EDIL3: variants seen among roughly 807,000 people sequenced by gnomAD.
EDIL3 encodes the protein EGF like and discoidin domains 3.
A neutral mutation model predicts 67.4 loss-of-function variants in EDIL3; 37 were observed. The observed-to-expected ratio is 0.55, with a 90% confidence interval of 0.42 to 0.72. The LOEUF is 0.72. EDIL3 is among the 30% of genes least tolerant of loss of function. The pLI, the probability that EDIL3 is intolerant of heterozygous loss-of-function variation, is 0.00. For missense variants in EDIL3, 527 were observed against 586.3 expected (o/e 0.90, Z 1.04); for synonymous variants, 195 against 196.3 (o/e 0.99, Z 0.05).
At chr5:83,968,141 C>G (rs916237460) in intron 9 of EDIL3, among the ~76,000 whole-genome samples, 1 of 152,016 alleles carries the variant, frequency 6.6e-6, no homozygotes, top group African/African-American at 2.4e-5. Context: ...ATTAATGGTA[C>G]TTGGTATTTG....
intron 4 of EDIL3, among the ~76,000 whole-genome samples, chr5:84,148,276 G>A (rs1353793655): frequency 2.0e-5 from 3 of 152,066 alleles, no homozygotes; most frequent in Non-Finnish European, 4.4e-5. Context: ...CTACATTTGG[G>A]TTTATCATCA....
intron 2 of EDIL3, among the ~76,000 whole-genome samples, chr5:84,243,584 A>G (rs896303613): frequency 4.6e-5 from 7 of 152,226 alleles, no homozygotes; most frequent in African/African-American, 1.7e-4. Flanking sequence ...ACCTTAGCAG[A>G]TAAAGACATT....
At chr5:84,207,056 CAGG>C (rs1243755814) in intron 3 of EDIL3, among the ~76,000 whole-genome samples, 1 of 152,058 alleles carries the variant, frequency 6.6e-6, no homozygotes, top group Non-Finnish European at 1.5e-5. Flanking sequence ...GGCAATTAGG[CAGG>C]AGAAGGAAAT....
intron 9 of EDIL3, among the ~76,000 whole-genome samples, chr5:83,999,573 G>A (rs1434246691): frequency 6.6e-6 from 1 of 151,962 alleles, no homozygotes; most frequent in Admixed American, 6.6e-5. Context: ...TTGAAGACAG[G>A]CTTTATGAAG....
intron 9 of EDIL3, among the ~76,000 whole-genome samples, chr5:84,010,875 T>C (rs1036455107): frequency 1.3e-5 from 2 of 152,126 alleles, no homozygotes; most frequent in African/African-American, 4.8e-5. Context: ...TGAAGAGTGC[T>C]TCTGGAAAAC....
intron 9 of EDIL3, among the ~76,000 whole-genome samples, chr5:83,992,930 T>C (rs1745175722): frequency 6.6e-6 from 1 of 152,014 alleles, no homozygotes; most frequent in African/African-American, 2.4e-5. Context: ...ATAAGTAATA[T>C]GAAGCTACAA....
At chr5:83,999,815 G>T (rs4266382) in intron 9 of EDIL3, among the ~76,000 whole-genome samples, 18,528 of 151,800 alleles carry the variant, frequency 0.12, 2,815 homozygotes, top group African/African-American at 0.36. Context: ...CAAACAGATT[G>T]AAACCAAAGA....
chr5:84,048,552 A>C (rs77852370), intron 9 of EDIL3, among the ~76,000 whole-genome samples: 48 of 152,172 alleles, frequency 3.2e-4, no homozygotes, highest in African/African-American at 1.2e-3. Context: ...AATACTATGC[A>C]GACTACCTTA....
chr5:84,291,854 C>G (rs1444718131), intron 1 of EDIL3, among the ~76,000 whole-genome samples: 1 of 149,430 alleles, frequency 6.7e-6, no homozygotes, highest in East Asian at 2.0e-4. Flanking sequence ...TACCTACAGG[C>G]CCTGGATATA....
chr5:84,122,147 C>G (rs1220150392), intron 5 of EDIL3, among the ~76,000 whole-genome samples: 1 of 151,950 alleles, frequency 6.6e-6, no homozygotes, highest in Non-Finnish European at 1.5e-5. Flanking sequence ...CAATATCTTT[C>G]TCTTCTGCAA....
At chr5:83,947,003 T>G (rs1049289301) in intron 10 of EDIL3, among the ~76,000 whole-genome samples, 5 of 151,864 alleles carry the variant, frequency 3.3e-5, no homozygotes, top group African/African-American at 1.2e-4. Flanking sequence ...TTAGATAGAT[T>G]CCCTATGGCT....
chr5:84,176,498 A>C (rs1748918395), intron 4 of EDIL3, among the ~76,000 whole-genome samples: 1 of 151,250 alleles, frequency 6.6e-6, no homozygotes, highest in Non-Finnish European at 1.5e-5. Flanking sequence ...GTGCACAGGT[A>C]GAGAAGAATG....
chr5:84,310,870 C>T (rs964265043), intron 1 of EDIL3, among the ~76,000 whole-genome samples: 4 of 152,146 alleles, frequency 2.6e-5, no homozygotes, highest in African/African-American at 4.8e-5. Context: ...CTCTCCTGTG[C>T]GCTTACCCAG....
chr5:84,077,547 A>G (rs1296477946), intron 6 of EDIL3, among the ~76,000 whole-genome samples: 3 of 152,200 alleles, frequency 2.0e-5, no homozygotes, highest in African/African-American at 7.2e-5. Context: ...AAGAGAATGT[A>G]TGCAGGGATC....
intron 1 of EDIL3, among the ~76,000 whole-genome samples, chr5:84,364,757 G>A (rs1370175930): frequency 6.6e-6 from 1 of 151,884 alleles, no homozygotes; most frequent in East Asian, 1.9e-4. Context: ...ATGGAATCCT[G>A]CAACAGGTTA....
At chr5:84,061,012 C>A (rs1746533093) in intron 8 of EDIL3, among the ~76,000 whole-genome samples, 1 of 152,098 alleles carries the variant, frequency 6.6e-6, no homozygotes, top group Non-Finnish European at 1.5e-5. Flanking sequence ...ATATGTTAAT[C>A]TTCATCACTG....
At chr5:84,377,274 C>T (rs1747987099) in intron 1 of EDIL3, among the ~76,000 whole-genome samples, 1 of 146,746 alleles carries the variant, frequency 6.8e-6, no homozygotes, top group Non-Finnish European at 1.5e-5. Context: ...GATCGCGCCA[C>T]TGCACTGCAG....
intron 4 of EDIL3, among the ~76,000 whole-genome samples, chr5:84,158,428 GT>G (rs1248461279): frequency 6.6e-6 from 1 of 151,988 alleles, no homozygotes; most frequent in African/African-American, 2.4e-5. Context: ...ATCTAAATAT[GT>G]CAGCTTTTTC....
chr5:84,179,856 T>A (rs1417825512), intron 4 of EDIL3, among the ~76,000 whole-genome samples: 1 of 152,118 alleles, frequency 6.6e-6, no homozygotes, highest in East Asian at 1.9e-4. Flanking sequence ...GGGATCTACT[T>A]TCTTTAACCT....
Sources: gnomAD v4.1 joint callset for allele counts (sites outside exome capture counted in the v4.1 genomes callset) on GRCh38, gnomAD v4.1.1 for gene constraint, MANE v1.5 for transcripts, NCBI Gene and HGNC (gene_info 2026-07-23, HGNC 2026-07-21) for gene names.